Variants in PRSS23 observed in about 807,000 individuals in gnomAD.
PRSS23 encodes the protein protease, serine 23.
In PRSS23, 25 loss-of-function variants were observed where a neutral mutation model predicts 34.7. The observed-to-expected ratio is 0.72, with a 90% CI of 0.53 to 1.01. The LOEUF (loss-of-function observed/expected upper bound fraction) is 1.01, where lower values mean the gene tolerates loss of function less well. Ranked by LOEUF, PRSS23 falls within the 50% of genes least tolerant of loss-of-function variation. The probability of loss-of-function intolerance (pLI) is 0.00; values close to 1 mark genes in which losing one functional copy is unlikely to be tolerated. For synonymous variants in PRSS23, 176 were observed against 186.6 expected, an observed-to-expected ratio of 0.94 and a Z score of 0.46; for missense variants, 445 against 475.6, an observed-to-expected ratio of 0.94 and a Z score of 0.60.
upstream of PRSS23, among the ~76,000 whole-genome samples, chr11:86,798,830 C>T (rs1449573678): frequency 6.6e-6 from 1 of 152,150 alleles, no homozygotes; most frequent in African/African-American, 2.4e-5. Flanking sequence ...ATAGCTGAGA[C>T]CACAGGCGTG....
intron 2 of PRSS23, among the ~76,000 whole-genome samples, chr11:86,843,130 A>G (rs1400249839): frequency 6.6e-6 from 1 of 152,176 alleles, no homozygotes; most frequent in Non-Finnish European, 1.5e-5. Flanking sequence ...ATCTACAACC[A>G]TCTGATCTTT....
At chr11:86,800,459 C>G (rs1034148993), upstream of PRSS23, 27 of 983,610 alleles carry the variant, frequency 2.7e-5, no homozygotes, top group Non-Finnish European at 2.8e-5. Context: ...GCGGCTTCCC[C>G]GAGGCCGGAG....
chr11:86,908,368 T>C (rs1202073032), intron 2 of PRSS23, among the ~76,000 whole-genome samples: 2 of 152,210 alleles, frequency 1.3e-5, no homozygotes, highest in Admixed American at 6.5e-5. Flanking sequence ...TATGTACATA[T>C]CTATAATTTT....
At chr11:86,890,460 T>C (rs1290788669) in intron 2 of PRSS23, among the ~76,000 whole-genome samples, 3 of 152,322 alleles carry the variant, frequency 2.0e-5, no homozygotes, top group African/African-American at 7.2e-5. Context: ...ATTGTATCCA[T>C]GTAGGGTAAA....
chr11:86,940,256 C>T (rs1949198039), intron 2 of PRSS23, among the ~76,000 whole-genome samples: 1 of 152,126 alleles, frequency 6.6e-6, no homozygotes, highest in South Asian at 2.1e-4. Context: ...TTGCAAGCTG[C>T]CGTGGCCTCT....
intron 2 of PRSS23, chr11:86,935,074 A>C (rs1021618699): frequency 2.2e-4 from 33 of 152,362 alleles, no homozygotes; most frequent in African/African-American, 7.7e-4. Flanking sequence ...ATTGTGTTTA[A>C]CAGCTCCAAG....
At position 86,818,515 on chromosome 11, in the gene PRSS23, A is replaced by G. The variant is rs1044498485; in HGVS notation, c.-11-4862A>G. Among the ~76,000 whole-genome samples, 10 of 152,186 alleles carry G rather than the reference A, an allele frequency of 6.6e-5. 1 individual carries two copies. Among genetic ancestry groups the G allele is most frequent in the African/African-American group, 2.2e-4 (9 of 41,428 alleles). ...ATCAACACGTAACTTGAAAAAATAAATCAAAATTTTGAAATATCACCTTGT... is the reference window on the plus strand; with the variant it reads ...ATCAACACGTAACTTGAAAAAATAAGTCAAAATTTTGAAATATCACCTTGT... On this transcript the variant is annotated intron_variant, in intron 1 of 2. Coordinates refer to the PRSS23 transcript ENST00000533902.
At chr11:86,817,117 T>C (rs1296650603) in intron 1 of PRSS23, among the ~76,000 whole-genome samples, 2 of 150,514 alleles carry the variant, frequency 1.3e-5, no homozygotes, top group East Asian at 4.2e-4. Context: ...AATATGGTTT[T>C]TGAGGGGCAA....
At chr11:86,850,904 C>A (rs1948523975) in intron 2 of PRSS23, among the ~76,000 whole-genome samples, 1 of 152,158 alleles carries the variant, frequency 6.6e-6, no homozygotes, top group Non-Finnish European at 1.5e-5. Flanking sequence ...ATCTTCCTAC[C>A]ACACCTATTC....
At chr11:86,832,114 A>G (rs571800354) in intron 2 of PRSS23, among the ~76,000 whole-genome samples, 2 of 152,178 alleles carry the variant, frequency 1.3e-5, no homozygotes, top group African/African-American at 4.8e-5. Context: ...ATAATATTCT[A>G]TGGGGATGTT....
At chr11:86,931,905 A>C (rs1015718965) in intron 2 of PRSS23, among the ~76,000 whole-genome samples, 2 of 152,200 alleles carry the variant, frequency 1.3e-5, no homozygotes, top group African/African-American at 4.8e-5. Context: ...GGGTGACGGT[A>C]GCCTGGTGCC....
chr11:86,853,175 A>C (rs1458180696), intron 2 of PRSS23, among the ~76,000 whole-genome samples: 1 of 120,690 alleles, frequency 8.3e-6, no homozygotes, highest in Non-Finnish European at 1.7e-5. Context: ...TTTGGGATTT[A>C]TGTATTTCAC....
At position 86,952,248 on chromosome 11, in the gene PRSS23, G is replaced by T. The variant is rs1188045963; in HGVS notation, c.*963G>T. ...CCAGGCTGGATGGGGGTTTTGTGAG[G>T]TAAGGGCACCTCTTCATCACCTGGC... On this transcript the variant is annotated 3_prime_UTR_variant, in exon 3 of 3. Coordinates refer to the PRSS23 transcript ENST00000533902. 2 of 1,614,232 alleles carry T rather than the reference G, an allele frequency of 1.2e-6. No individual in the cohort carries two copies. Among genetic ancestry groups the T allele is most frequent in the Non-Finnish European group, 1.7e-6 (2 of 1,180,032 alleles).
chr11:86,832,543 C>T (rs1412459178), intron 2 of PRSS23: 1 of 381,676 alleles, frequency 2.6e-6, no homozygotes, highest in Admixed American at 3.0e-5. Context: ...TTCTGCCATG[C>T]AACCACCACA....
At chr11:86,846,749 A>G (rs1948489066) in intron 2 of PRSS23, among the ~76,000 whole-genome samples, 1 of 152,186 alleles carries the variant, frequency 6.6e-6, no homozygotes, top group South Asian at 2.1e-4. Context: ...TATTTAGAAG[A>G]CTTAAAGTCT....
At chr11:86,840,100 A>T (rs550626006) in intron 2 of PRSS23, among the ~76,000 whole-genome samples, 1 of 152,288 alleles carries the variant, frequency 6.6e-6, no homozygotes, top group Admixed American at 6.5e-5. Context: ...AAACATAGTA[A>T]TATTAACCTT....
chr11:86,829,286 C>T lies in PRSS23; in HGVS notation c.206+5693C>T, dbSNP rs952833413. On this transcript the variant is annotated intron_variant, in intron 2 of 2. Transcript: ENST00000533902. ...TATCCTTTCTTCAAGTTGATCACAT[C>T]GGCTCCTGAGGCTTCTGCATTCTTC... 7.9e-5 allele frequency among the ~76,000 whole-genome samples: 12 copies of T among 152,204 alleles called. 1 individual carries two copies. Among genetic ancestry groups the T allele is most frequent in the Admixed American group, 1.3e-4 (2 of 15,288 alleles).
intron 2 of PRSS23, among the ~76,000 whole-genome samples, chr11:86,824,517 T>C (rs1230858774): frequency 6.6e-6 from 1 of 151,200 alleles, no homozygotes; most frequent in Non-Finnish European, 1.5e-5. Flanking sequence ...TTAGGGTACA[T>C]GTGCACAATG....
intron 2 of PRSS23, chr11:86,925,016 G>A (rs959999010): frequency 6.6e-6 from 1 of 152,212 alleles, no homozygotes; most frequent in Non-Finnish European, 1.5e-5. Flanking sequence ...TTTAGCACAA[G>A]CCGCCAAGCT....
Sources: allele counts gnomAD v4.1 joint callset (sites outside exome capture counted in the v4.1 genomes callset), GRCh38; gene constraint gnomAD v4.1.1; transcripts MANE v1.5; gene names NCBI Gene and HGNC (gene_info 2026-07-23, HGNC 2026-07-21).